Variants in TACR3 observed in about 807,000 individuals in gnomAD.
TACR3 encodes tachykinin receptor 3.
TACR3 carries 34 observed loss-of-function variants against 35.0 expected under a neutral mutation model. The observed-to-expected ratio is 0.97, with a 90% confidence interval of 0.74 to 1.30. The LOEUF (loss-of-function observed/expected upper bound fraction) is 1.30, where lower values mean the gene tolerates loss of function less well. Ranked by LOEUF, TACR3 falls within the 50% of genes most tolerant of loss-of-function variation. TACR3 has a pLI of 0.00. For missense variants in TACR3, 558 were observed against 591.7 expected (o/e 0.94, Z 0.59); for synonymous variants, 233 against 221.1 (o/e 1.05, Z -0.48).
intron 3 of TACR3, chr4:103,624,482 G>T (rs1312449044): frequency 6.6e-6 from 1 of 152,118 alleles, no homozygotes; most frequent in South Asian, 2.1e-4. Context: ...ACAGGCTTGA[G>T]AGGCATACAA....
At chr4:103,651,042 A>G (rs1345091306) in intron 3 of TACR3, among the ~76,000 whole-genome samples, 4 of 126,862 alleles carry the variant, frequency 3.2e-5, no homozygotes, top group African/African-American at 9.5e-5. Context: ...TAATATATAT[A>G]TAAAATAATG....
chr4:103,590,076 A>G, intron 4 of TACR3, 82 bp from the exon 5 acceptor site: 2 of 1,528,250 alleles, frequency 1.3e-6, no homozygotes, highest in East Asian at 4.9e-5. Context: ...AATTCTACCT[A>G]AGGCAGTTAT....
intron 2 of TACR3, among the ~76,000 whole-genome samples, chr4:103,657,963 T>G (rs1449141132): frequency 6.6e-6 from 1 of 152,194 alleles, no homozygotes; most frequent in East Asian, 1.9e-4. Flanking sequence ...TTTTATCACT[T>G]CCTTCAGGAA....
At chr4:103,699,575 A>G (rs1034264147) in intron 1 of TACR3, among the ~76,000 whole-genome samples, 7 of 152,210 alleles carry the variant, frequency 4.6e-5, no homozygotes, top group Non-Finnish European at 8.8e-5. Context: ...TAAGGGTAAG[A>G]AAACCAGTTA....
intron 3 of TACR3, among the ~76,000 whole-genome samples, chr4:103,609,483 T>A (rs1724466372): frequency 6.6e-6 from 1 of 152,050 alleles, no homozygotes; most frequent in Admixed American, 6.6e-5. Flanking sequence ...ATTTTGTTTA[T>A]AATTAACAGA....
At chr4:103,599,803 G>A (rs1021892957) in intron 3 of TACR3, among the ~76,000 whole-genome samples, 6 of 152,154 alleles carry the variant, frequency 3.9e-5, no homozygotes, top group Non-Finnish European at 8.8e-5. Flanking sequence ...CAGGGATGAA[G>A]CCCCCTTGAT....
chr4:103,641,152 C>A (rs1725348578), intron 3 of TACR3, among the ~76,000 whole-genome samples: 1 of 151,878 alleles, frequency 6.6e-6, no homozygotes, highest in African/African-American at 2.4e-5. Context: ...CGATTTATTG[C>A]ACATACTGTT....
intron 3 of TACR3, among the ~76,000 whole-genome samples, chr4:103,593,873 C>T (rs57538713): frequency 0.016 from 2,483 of 152,168 alleles, 56 homozygotes; most frequent in African/African-American, 0.057. Context: ...TCTCCTGATG[C>T]TGGACTACAA....
At chr4:103,696,314 T>G (rs1216894261) in intron 1 of TACR3, among the ~76,000 whole-genome samples, 1 of 152,056 alleles carries the variant, frequency 6.6e-6, no homozygotes, top group East Asian at 1.9e-4. Flanking sequence ...TGATAAAAGA[T>G]CAGAAACTCC....
chr4:103,718,750 AAG>A (rs1230285247), intron 1 of TACR3, among the ~76,000 whole-genome samples: 1 of 152,154 alleles, frequency 6.6e-6, no homozygotes, highest in Non-Finnish European at 1.5e-5. Flanking sequence ...GAAGGCCAAA[AAG>A]TGCACTTTAC....
In TACR3 at chr4:103,656,219, T is replaced by C. The variant is rs1410975428; in HGVS notation, c.863A>G (p.His288Arg). ...EIPGDTCDKYHEQLKAKRKVV... is the reference protein window; with the variant it reads ...EIPGDTCDKYREQLKAKRKVV... ...CTTTCTTTTGGCCTTTAGCTGCTCATGATACTTGTCACAGGTATCTCCTGG... is the reference window on the plus strand; with the variant it reads ...CTTTCTTTTGGCCTTTAGCTGCTCACGATACTTGTCACAGGTATCTCCTGG... Residue 288 changes from histidine to arginine, a missense_variant, in exon 3 of 5, where the codon CAT becomes CGT. His to Arg is a conservative substitution (Grantham distance 29). Coordinates refer to ENST00000304883, the MANE Select transcript of TACR3 (RefSeq NM_001059.3). 3 of 1,613,036 alleles carry C rather than the reference T, an allele frequency of 1.9e-6. No homozygotes were observed. The highest frequency in any genetic ancestry group is 2.2e-5 in the South Asian group (2 of 91,070).
rs1474248216 is a variant in TACR3, at chr4:103,652,081, TAGTC to T, written c.888+4109_888+4112del. 2.6e-5 allele frequency among the ~76,000 whole-genome samples: 4 copies of T among 152,164 alleles called. No individual in the cohort carries two copies. The South Asian group carries it at 6.2e-4, about 24-fold the overall frequency. On this transcript the variant is annotated intron_variant, in intron 3 of 4. Coordinates refer to ENST00000304883, the MANE Select transcript of TACR3 (RefSeq NM_001059.3). Reference sequence around the variant, plus strand: ...TGGGGAGGTGGTACATGCACCCCCTTAGTCAGCCCCACTGATGTCTCAGTAGGTT... The same window carrying T: ...TGGGGAGGTGGTACATGCACCCCCTTAGCCCCACTGATGTCTCAGTAGGTT...
At chr4:103,715,304 G>A (rs895396504) in intron 1 of TACR3, among the ~76,000 whole-genome samples, 1 of 152,098 alleles carries the variant, frequency 6.6e-6, no homozygotes, top group Non-Finnish European at 1.5e-5. Flanking sequence ...TCTTGGTGCT[G>A]TCTCCTGATA....
chr4:103,633,064 TACTG>T (rs1403280290), intron 3 of TACR3, among the ~76,000 whole-genome samples: 1 of 151,778 alleles, frequency 6.6e-6, no homozygotes, highest in Non-Finnish European at 1.5e-5. Context: ...TTGTCCCTCT[TACTG>T]ACATTAACTA....
Position 103,656,283 on chromosome 4 carries a change from A to T in TACR3, c.799T>A (p.Tyr267Asn), listed in dbSNP as rs1725732812. The change falls in exon 3 of 5, where the codon TAC becomes AAC. Residue 267 changes from tyrosine to asparagine, a missense_variant. Tyr to Asn is a moderately radical substitution (Grantham distance 143). Transcript: ENST00000304883. ...CFPLLIMGIT[Y>N]TIVGITLWGG... ...CAGAGAGTAATTCCAACAATGGTGT[A>T]TGTAATACCCATGATGAGCAATGGG... The T allele has an allele frequency of 3.7e-6, 6 of 1,612,906 alleles. No individual in the cohort carries two copies. Among genetic ancestry groups the T allele is most frequent in the Non-Finnish European group, 5.1e-6 (6 of 1,179,152 alleles).
chr4:103,684,565 A>G (rs1268579334), intron 1 of TACR3, among the ~76,000 whole-genome samples: 1 of 152,192 alleles, frequency 6.6e-6, no homozygotes, highest in Non-Finnish European at 1.5e-5. Flanking sequence ...AATAGGTGAT[A>G]AAAAGGCATC....
intron 3 of TACR3, among the ~76,000 whole-genome samples, chr4:103,595,995 G>C (rs547203940): frequency 6.7e-6 from 1 of 149,430 alleles, no homozygotes; most frequent in Non-Finnish European, 1.5e-5. Flanking sequence ...GTGAGAATAT[G>C]TGGTGTTTGG....
intron 3 of TACR3, among the ~76,000 whole-genome samples, chr4:103,630,658 G>A (rs2110311321): frequency 6.6e-6 from 1 of 152,268 alleles, no homozygotes; most frequent in East Asian, 1.9e-4. Context: ...TTAGAATGGT[G>A]ATCGTTAAAA....
At chr4:103,710,627 G>C (rs1375559978) in intron 1 of TACR3, among the ~76,000 whole-genome samples, 1 of 151,992 alleles carries the variant, frequency 6.6e-6, no homozygotes, top group Non-Finnish European at 1.5e-5. Context: ...CAGAAGGCAA[G>C]AAAAAACTAA....
Sources: gnomAD v4.1 joint callset for allele counts (sites outside exome capture counted in the v4.1 genomes callset) on GRCh38, gnomAD v4.1.1 for gene constraint, MANE v1.5 for transcripts, NCBI Gene and HGNC (gene_info 2026-07-23, HGNC 2026-07-21) for gene names.